The following LCORL variants were observed in gnomAD, a reference collection of about 807,000 sequenced individuals.
LCORL encodes the protein ligand-dependent nuclear receptor corepressor-like protein.
In LCORL, 41 loss-of-function variants were observed where a neutral mutation model predicts 141.8. The observed-to-expected ratio is 0.29, with a 90% CI of 0.23 to 0.38. LCORL has a LOEUF of 0.38. LCORL is among the 10% of genes least tolerant of loss of function. The pLI is 1.00. For missense variants in LCORL, 1,759 were observed against 2,035.0 expected (o/e 0.86, Z 2.61); for synonymous variants, 618 against 694.1 (o/e 0.89, Z 1.72).
At chr4:17,880,675 G>C in intron 6 of LCORL, 1 of 982,520 alleles carries the variant, frequency 1.0e-6, no homozygotes, top group Non-Finnish European at 1.2e-6. Context: ...GTAAATTTAA[G>C]TGCAAAAGCA....
intron 5 of LCORL, among the ~76,000 whole-genome samples, chr4:17,908,205 T>C (rs951523296): frequency 2.0e-5 from 3 of 150,390 alleles, no homozygotes; most frequent in Non-Finnish European, 4.4e-5. Flanking sequence ...GCTAATTTTG[T>C]ATTTTTAGTA....
At chr4:17,948,247 G>A (rs1262245737) in intron 4 of LCORL, among the ~76,000 whole-genome samples, 1 of 151,960 alleles carries the variant, frequency 6.6e-6, no homozygotes, top group Non-Finnish European at 1.5e-5. Flanking sequence ...TTAGTGTGAA[G>A]TTTCTAATCA....
At chr4:17,865,871 G>A (rs930814119) in intron 7 of LCORL, among the ~76,000 whole-genome samples, 1 of 152,132 alleles carries the variant, frequency 6.6e-6, no homozygotes, top group Admixed American at 6.5e-5. Flanking sequence ...GTGTGGTTAG[G>A]TGTCTTGCCC....
rs958974479 is a variant in LCORL at position 17,952,334 on chromosome 4, A to G, written c.430+9569T>C. On this transcript the variant is annotated intron_variant, in intron 4 of 7. Transcript: ENST00000635767. Reference sequence around the variant, plus strand: ...TGAATTAGAATACACATTAGAATACAGAAAGAAATTATTTAGAAAAACTCC... The same window carrying G: ...TGAATTAGAATACACATTAGAATACGGAAAGAAATTATTTAGAAAAACTCC... 2.6e-5 allele frequency among the ~76,000 whole-genome samples: 4 copies of G among 152,184 alleles called. No individual in the cohort carries two copies. The East Asian group carries it at 7.7e-4, about 29-fold the overall frequency.
intron 4 of LCORL, chr4:17,912,322 G>C (rs1032882653): frequency 1.5e-6 from 1 of 677,320 alleles, no homozygotes; most frequent in African/African-American, 1.8e-5. Context: ...TCTCAAAGAG[G>C]AGCTGCTCTT....
chr4:17,895,789 T>C (rs773375910), intron 5 of LCORL, among the ~76,000 whole-genome samples: 5 of 152,198 alleles, frequency 3.3e-5, no homozygotes, highest in African/African-American at 4.8e-5. Context: ...TTCATACAAA[T>C]AGAATCATAT....
chr4:17,962,007 G>A (rs767907442), exon 4 of LCORL: 4 of 1,606,800 alleles, frequency 2.5e-6, no homozygotes, highest in Middle Eastern at 1.7e-4. Flanking sequence ...TGTTGACTGT[G>A]AAGAATCAAG....
At chr4:17,961,348 TAAAAC>T (rs1713749517) in intron 4 of LCORL, among the ~76,000 whole-genome samples, 1 of 151,926 alleles carries the variant, frequency 6.6e-6, no homozygotes, top group Middle Eastern at 3.2e-3. Context: ...AGGGAACAAG[TAAAAC>T]AAAAGCTATT....
exon 8 of LCORL, chr4:17,842,293 AT>A: frequency 6.2e-7 from 1 of 1,608,080 alleles, no homozygotes; most frequent in Non-Finnish European, 8.5e-7. Context: ...CTGATAATGA[AT>A]TATACTATCT....
At chr4:17,946,852 G>A (rs1465888506) in intron 4 of LCORL, among the ~76,000 whole-genome samples, 1 of 151,836 alleles carries the variant, frequency 6.6e-6, no homozygotes, top group Non-Finnish European at 1.5e-5. Context: ...TAGAAACTAA[G>A]AGCTATTAAA....
chr4:17,946,310 AT>A (rs1738868585), intron 4 of LCORL, among the ~76,000 whole-genome samples: 1 of 151,986 alleles, frequency 6.6e-6, no homozygotes, highest in Non-Finnish European at 1.5e-5. Context: ...TGTATATGGT[AT>A]CCTAAAATTT....
intron 7 of LCORL, among the ~76,000 whole-genome samples, chr4:17,850,424 CAA>C (rs1431665202): frequency 8.6e-5 from 13 of 151,146 alleles, no homozygotes; most frequent in African/African-American, 3.2e-4. Context: ...TGAACTCAAA[CAA>C]ATTTACAAGA....
chr4:17,869,074 G>A (rs1726030423), intron 7 of LCORL, among the ~76,000 whole-genome samples: 1 of 134,646 alleles, frequency 7.4e-6, no homozygotes, highest in South Asian at 2.4e-4. Flanking sequence ...AGAGAAAAGT[G>A]ACCCTTTTGG....
chr4:17,977,784 C>T (rs936067254), intron 1 of LCORL, among the ~76,000 whole-genome samples: 2 of 151,848 alleles, frequency 1.3e-5, no homozygotes, highest in African/African-American at 4.8e-5. Flanking sequence ...ATTAATTTAC[C>T]CAGTTTTTTC....
At chr4:17,930,110 A>G (rs1735767095) in intron 4 of LCORL, among the ~76,000 whole-genome samples, 1 of 152,226 alleles carries the variant, frequency 6.6e-6, no homozygotes, top group African/African-American at 2.4e-5. Context: ...AATAACAAGT[A>G]TTGTGGAGGA....
intron 4 of LCORL, among the ~76,000 whole-genome samples, chr4:17,959,254 C>A (rs538057989): frequency 6.6e-6 from 1 of 152,048 alleles, no homozygotes; most frequent in East Asian, 1.9e-4. Flanking sequence ...CTCTAGTCTG[C>A]TTAATTCAAA....
intron 4 of LCORL, among the ~76,000 whole-genome samples, chr4:17,928,483 A>G (rs139454452): frequency 8.1e-4 from 123 of 152,332 alleles, no homozygotes; most frequent in African/African-American, 2.8e-3. Context: ...ATACAGAACA[A>G]AAGCTACATA....
intron 6 of LCORL, chr4:17,881,980 GA>G (rs35105182): frequency 0.099 from 74,478 of 748,718 alleles, 13 homozygotes; most frequent in Non-Finnish European, 0.11. Flanking sequence ...TTCTTGGGGT[GA>G]AAAAAAAAAA....
chr4:17,908,613 C>A (rs1472852), intron 5 of LCORL, among the ~76,000 whole-genome samples: 32,082 of 151,918 alleles, frequency 0.21, 3,926 homozygotes, highest in African/African-American at 0.34. Flanking sequence ...TCCTTATGAC[C>A]AATGTTTCTC....
Sources: gnomAD v4.1 joint callset for allele counts (sites outside exome capture counted in the v4.1 genomes callset) on GRCh38, gnomAD v4.1.1 for gene constraint, MANE v1.5 for transcripts, NCBI Gene and HGNC (gene_info 2026-07-23, HGNC 2026-07-21) for gene names.